Variants in SRPK2 observed in about 807,000 individuals in gnomAD.
SRPK2 encodes SFRS protein kinase 2.
In SRPK2, 21 loss-of-function variants were observed where a neutral mutation model predicts 90.8. The observed-to-expected ratio is 0.23, with a 90% CI of 0.16 to 0.33. SRPK2 has a LOEUF of 0.33. SRPK2 is among the 10% of genes least tolerant of loss of function. The probability of loss-of-function intolerance (pLI) is 1.00; values close to 1 mark genes in which losing one functional copy is unlikely to be tolerated. For synonymous variants in SRPK2, 288 were observed against 311.1 expected (o/e 0.93, Z 0.78); for missense variants, 620 against 869.0 (o/e 0.71, Z 3.60).
intron 2 of SRPK2, among the ~76,000 whole-genome samples, chr7:105,356,965 C>A (rs563472871): frequency 9.9e-5 from 15 of 152,250 alleles, no homozygotes; most frequent in Admixed American, 7.9e-4. Context: ...CCTTTATCAG[C>A]TAAAGCTCCC....
intron 3 of SRPK2, among the ~76,000 whole-genome samples, chr7:105,176,653 TTACA>T (rs1267900903): frequency 6.8e-6 from 1 of 147,448 alleles, no homozygotes; most frequent in Non-Finnish European, 1.5e-5. Context: ...GCATATGGTT[TTACA>T]TACATATATA....
chr7:105,141,399 A>G (rs1803755474), intron 11 of SRPK2, among the ~76,000 whole-genome samples: 1 of 152,224 alleles, frequency 6.6e-6, no homozygotes, highest in Non-Finnish European at 1.5e-5. Context: ...GTCACTTGGC[A>G]TTCACTCCCA....
chr7:105,382,799 T>G (rs1821097707), intron 2 of SRPK2, among the ~76,000 whole-genome samples: 1 of 152,006 alleles, frequency 6.6e-6, no homozygotes, highest in Non-Finnish European at 1.5e-5. Flanking sequence ...TTTGGCATCC[T>G]GACTGTGGTG....
At chr7:105,143,005 G>GCC in intron 10 of SRPK2, 79 bp downstream of exon 10, 2 of 1,530,642 alleles carry the variant, frequency 1.3e-6, no homozygotes, top group Non-Finnish European at 1.8e-6. Context: ...GCACAAATCA[G>GCC]CCCCCATGTT....
intron 15 of SRPK2, among the ~76,000 whole-genome samples, chr7:105,124,611 A>AG (rs1374885562): frequency 6.7e-6 from 1 of 148,976 alleles, no homozygotes; most frequent in Non-Finnish European, 1.5e-5. Flanking sequence ...ACTGCACTCC[A>AG]GCCTGGACAA....
chr7:105,387,475 T>G (rs947238643), intron 2 of SRPK2, among the ~76,000 whole-genome samples: 1 of 152,000 alleles, frequency 6.6e-6, no homozygotes, highest in African/African-American at 2.4e-5. Flanking sequence ...TTCAACTCTT[T>G]AGGAAGTGCT....
intron 2 of SRPK2, among the ~76,000 whole-genome samples, chr7:105,316,310 C>T (rs980872489): frequency 6.6e-6 from 1 of 152,076 alleles, no homozygotes; most frequent in Non-Finnish European, 1.5e-5. Context: ...GAAGAAAATA[C>T]CTCTCAAATT....
Position 105,170,967 on chromosome 7 carries a change from G to GAAAGAAAGAAAGAAAGAGAAAGAA in SRPK2, c.230-1703_230-1702insTTCTTTCTCTTTCTTTCTTTCTTT, listed in dbSNP as rs66735717. Among the ~76,000 whole-genome samples the GAAAGAAAGAAAGAAAGAGAAAGAA allele has an allele frequency of 9.4e-5, 7 of 74,462 alleles. 1 individual carries two copies. Among genetic ancestry groups the GAAAGAAAGAAAGAAAGAGAAAGAA allele is most frequent in the Admixed American group, 3.1e-4 (2 of 6,506 alleles). The allele number at this position is 74,462 out of a possible 152,430, so 48.8% of individuals were successfully genotyped here. A position where few individuals can be genotyped will look rare whatever the true frequency, so the allele number is the denominator to read the frequency against. ...AGAAAGAAAGAAAGAAAGAAAGAAA[G>GAAAGAAAGAAAGAAAGAGAAAGAA]AGAAAGAAAGAGAAAGAAAGAAAGA... On this transcript the variant is annotated intron_variant, in intron 3 of 15. Transcript: ENST00000393651.
chr7:105,242,066 T>C (rs1193218489), intron 2 of SRPK2, among the ~76,000 whole-genome samples: 1 of 152,248 alleles, frequency 6.6e-6, no homozygotes, highest in Non-Finnish European at 1.5e-5. Context: ...ATTTTGATCT[T>C]ATGTCATTAT....
At chr7:105,311,009 T>C (rs1811646280) in intron 2 of SRPK2, among the ~76,000 whole-genome samples, 2 of 152,124 alleles carry the variant, frequency 1.3e-5, no homozygotes, top group African/African-American at 2.4e-5. Context: ...GTTGTGCACA[T>C]AGTACAACCG....
chr7:105,384,845 A>G (rs1586005749), intron 2 of SRPK2, among the ~76,000 whole-genome samples: 1 of 144,146 alleles, frequency 6.9e-6, no homozygotes, highest in African/African-American at 2.6e-5. Context: ...TTCCACTACT[A>G]CCCCCATCCC....
At chr7:105,195,195 G>A (rs1302686138) in intron 3 of SRPK2, among the ~76,000 whole-genome samples, 2 of 152,126 alleles carry the variant, frequency 1.3e-5, no homozygotes, top group Non-Finnish European at 2.9e-5. Flanking sequence ...GACTACAGGC[G>A]CGTGCCACCG....
intron 2 of SRPK2, among the ~76,000 whole-genome samples, chr7:105,226,937 G>C (rs1398002482): frequency 1.3e-5 from 2 of 152,064 alleles, no homozygotes; most frequent in Non-Finnish European, 2.9e-5. Context: ...GCAAGACTCT[G>C]TCTCCAAAAA....
intron 2 of SRPK2, among the ~76,000 whole-genome samples, chr7:105,272,032 T>G (rs1805900805): frequency 6.6e-6 from 1 of 152,160 alleles, no homozygotes; most frequent in African/African-American, 2.4e-5. Flanking sequence ...CTTCTAGATT[T>G]TGTTACATTA....
intron 2 of SRPK2, among the ~76,000 whole-genome samples, chr7:105,350,529 CTTTTTTTTTTT>C (rs71152961): frequency 7.9e-6 from 1 of 127,350 alleles, no homozygotes; most frequent in Non-Finnish European, 1.6e-5. Flanking sequence ...AATTTTTTTT[CTTTTTTTTTTT>C]TTTTTGAGAC....
In SRPK2 at chr7:105,270,669, A is replaced by G. The variant is rs560533794; in HGVS notation, c.72-66884T>C. Among the ~76,000 whole-genome samples the G allele has an allele frequency of 3.9e-4, 59 of 151,798 alleles. 2 individuals carry two copies. Among genetic ancestry groups the G allele is most frequent in the Middle Eastern group, 3.4e-3 (1 of 290 alleles). On this transcript the variant is annotated intron_variant, in intron 2 of 15. Coordinates refer to ENST00000393651, the MANE Select transcript of SRPK2 (RefSeq NM_182692.3). ...GATGATGCGCCCACCTCAGCCTCCCAAAGTGCTGGGATTACAGGTATGAGC... is the reference window on the plus strand; with the variant it reads ...GATGATGCGCCCACCTCAGCCTCCCGAAGTGCTGGGATTACAGGTATGAGC...
intron 2 of SRPK2, among the ~76,000 whole-genome samples, chr7:105,334,081 T>C (rs924859552): frequency 2.0e-5 from 3 of 150,924 alleles, no homozygotes; most frequent in Non-Finnish European, 2.9e-5. Context: ...CACCTAATTT[T>C]ATTTTATTTT....
In SRPK2 at chr7:105,388,722, C is replaced by A. The variant is rs1173504429; in HGVS notation, c.17-20G>T. On this transcript the variant is annotated intron_variant, in intron 1 of 15. Transcript: ENST00000393651. ...CCAGCACTGGGGAAGAGAAGACACA[C>A]ATTAACGGTCGGGCCGCCCGCCCGG... 4 of 1,565,758 alleles carry A rather than the reference C, an allele frequency of 2.6e-6. No homozygotes were observed. In the African/African-American group the frequency reaches 5.6e-5, roughly 22 times the overall value.
intron 2 of SRPK2, among the ~76,000 whole-genome samples, chr7:105,298,313 T>C (rs1317682926): frequency 6.6e-6 from 1 of 152,240 alleles, no homozygotes; most frequent in African/African-American, 2.4e-5. Context: ...TTAGTAGTAG[T>C]ATATTTTTTA....
Sources: allele counts gnomAD v4.1 joint callset (sites outside exome capture counted in the v4.1 genomes callset), GRCh38; gene constraint gnomAD v4.1.1; transcripts MANE v1.5; gene names NCBI Gene and HGNC (gene_info 2026-07-23, HGNC 2026-07-21).